The following RALGAPA2 variants were observed in gnomAD, a reference collection of about 807,000 sequenced individuals.
The protein encoded by RALGAPA2 is Ral GTPase activating protein catalytic subunit alpha 2.
A neutral mutation model predicts 230.4 loss-of-function variants in RALGAPA2; 139 were observed. The ratio of observed to expected loss-of-function variants is 0.60; its 90% CI spans 0.53 to 0.69. The LOEUF is 0.69. RALGAPA2 is among the 30% of genes least tolerant of loss of function. The probability of loss-of-function intolerance (pLI) is 0.00; values close to 1 mark genes in which losing one functional copy is unlikely to be tolerated. For synonymous variants in RALGAPA2, 847 were observed against 837.8 expected (o/e 1.01, Z -0.19); for missense variants, 2,163 against 2,276.0 (o/e 0.95, Z 1.01).
At position 20,401,931 on chromosome 20, in the gene RALGAPA2, G is replaced by A. The variant is rs142974885; in HGVS notation, c.5618-5197C>T. Among the ~76,000 whole-genome samples, 1,173 of 152,290 alleles carry A rather than the reference G, an allele frequency of 7.7e-3. 11 individuals carry two copies. Among genetic ancestry groups the A allele is most frequent in the African/African-American group, 0.027 (1,115 of 41,562 alleles). On this transcript the variant is annotated intron_variant, in intron 38 of 39. Coordinates refer to ENST00000202677, the MANE Select transcript of RALGAPA2 (RefSeq NM_020343.4). Reference sequence around the variant, plus strand: ...CATGGTCTTTGCCACTGTATAAATTGTACAGGCCATACATTCTAGAAAACA... The same window carrying A: ...CATGGTCTTTGCCACTGTATAAATTATACAGGCCATACATTCTAGAAAACA...
chr20:20,459,058 A>C (rs906264085), intron 37 of RALGAPA2, among the ~76,000 whole-genome samples: 1 of 151,876 alleles, frequency 6.6e-6, no homozygotes, highest in Non-Finnish European at 1.5e-5. Context: ...CAGCTGGTCT[A>C]TGTCCTCTTT....
intron 36 of RALGAPA2, among the ~76,000 whole-genome samples, chr20:20,489,656 T>C (rs2062000805): frequency 6.6e-6 from 1 of 152,130 alleles, no homozygotes; most frequent in African/African-American, 2.4e-5. Flanking sequence ...AGATAAATTA[T>C]CTGATTTGGG....
intron 36 of RALGAPA2, among the ~76,000 whole-genome samples, chr20:20,480,379 G>T (rs2061747172): frequency 6.6e-6 from 1 of 152,218 alleles, no homozygotes; most frequent in Admixed American, 6.5e-5. Flanking sequence ...CCTGTTTGAT[G>T]ACTGCTGAAA....
At chr20:20,520,017 G>T (rs6046908) in intron 31 of RALGAPA2, among the ~76,000 whole-genome samples, 1 of 152,098 alleles carries the variant, frequency 6.6e-6, no homozygotes, top group African/African-American at 2.4e-5. Flanking sequence ...AAAGTGACGG[G>T]ATTACAGGTG....
intron 23 of RALGAPA2, among the ~76,000 whole-genome samples, chr20:20,551,115 A>AT (rs969847815): frequency 8.5e-5 from 13 of 152,220 alleles, no homozygotes; most frequent in African/African-American, 3.1e-4. Context: ...CTGAAAGAAA[A>AT]ACAGGAAAAT....
At chr20:20,498,337 C>T (rs571521965) in intron 35 of RALGAPA2, among the ~76,000 whole-genome samples, 1 of 152,322 alleles carries the variant, frequency 6.6e-6, no homozygotes, top group South Asian at 2.1e-4. Context: ...AGGCTCAGAA[C>T]AAATGCTCAG....
chr20:20,512,223 CT>C (rs146260522), intron 32 of RALGAPA2, among the ~76,000 whole-genome samples: 2,219 of 135,706 alleles, frequency 0.016, 58 homozygotes, highest in African/African-American at 0.061. Flanking sequence ...ACAACCCCCC[CT>C]ACACACACAC....
intron 20 of RALGAPA2, among the ~76,000 whole-genome samples, chr20:20,582,378 T>C (rs2065013803): frequency 6.6e-6 from 1 of 152,068 alleles, no homozygotes; most frequent in Admixed American, 6.6e-5. Context: ...CACCCAGCAA[T>C]TCCTCGGAGG....
At chr20:20,464,124 C>T (rs1228453643) in intron 37 of RALGAPA2, among the ~76,000 whole-genome samples, 1 of 152,226 alleles carries the variant, frequency 6.6e-6, no homozygotes, top group Non-Finnish European at 1.5e-5. Context: ...CTTCCCGCAA[C>T]AGACCCTAGT....
chr20:20,599,026 C>T (rs1424898910), intron 16 of RALGAPA2, among the ~76,000 whole-genome samples: 1 of 152,174 alleles, frequency 6.6e-6, no homozygotes, highest in African/African-American at 2.4e-5. Context: ...TGACACAGGA[C>T]AATGGGCAAT....
At chr20:20,697,338 A>T (rs183480303) in intron 1 of RALGAPA2, among the ~76,000 whole-genome samples, 255 of 152,278 alleles carry the variant, frequency 1.7e-3, no homozygotes, top group African/African-American at 5.7e-3. Context: ...CTCAAAAAAA[A>T]TTTTTTAATT....
chr20:20,702,293 G>A (rs1159624707), intron 1 of RALGAPA2, among the ~76,000 whole-genome samples: 1 of 152,156 alleles, frequency 6.6e-6, no homozygotes, highest in African/African-American at 2.4e-5. Flanking sequence ...TCTCTGAGAA[G>A]TAGAGGCCAA....
At chr20:20,648,304 G>A (rs1003369908) in intron 4 of RALGAPA2, among the ~76,000 whole-genome samples, 1 of 152,062 alleles carries the variant, frequency 6.6e-6, no homozygotes, top group Non-Finnish European at 1.5e-5. Context: ...AGTCTACAAG[G>A]GCCAGAAAAG....
chr20:20,710,374 G>C (rs2069803649), intron 1 of RALGAPA2, among the ~76,000 whole-genome samples: 1 of 152,124 alleles, frequency 6.6e-6, no homozygotes, highest in Non-Finnish European at 1.5e-5. Flanking sequence ...TGATTAGGTA[G>C]GAACTAGTGC....
intron 1 of RALGAPA2, among the ~76,000 whole-genome samples, chr20:20,702,256 G>T (rs1157173479): frequency 1.3e-5 from 2 of 152,134 alleles, no homozygotes; most frequent in Non-Finnish European, 2.9e-5. Flanking sequence ...ACACCATCCA[G>T]GAAATGGATG....
At chr20:20,433,890 A>G (rs1177834562) in intron 37 of RALGAPA2, among the ~76,000 whole-genome samples, 1 of 152,272 alleles carries the variant, frequency 6.6e-6, no homozygotes, top group Non-Finnish European at 1.5e-5. Context: ...CAGAAAGTAG[A>G]TCAAATAACA....
At chr20:20,415,824 G>A (rs1288124065) in intron 37 of RALGAPA2, among the ~76,000 whole-genome samples, 1 of 152,126 alleles carries the variant, frequency 6.6e-6, no homozygotes, top group Non-Finnish European at 1.5e-5. Flanking sequence ...AGAACTTCTC[G>A]AGACTCTCAA....
chr20:20,437,546 C>T lies in RALGAPA2; in HGVS notation c.5496-25398G>A, dbSNP rs140371252. ...AAGGCCCTGCCCCACTGGGTGCCTG[C>T]CCCTGCTGTCACCTCTGTGGTGTGG... On this transcript the variant is annotated intron_variant, in intron 37 of 39. Coordinates refer to ENST00000202677, the MANE Select transcript of RALGAPA2 (RefSeq NM_020343.4). The surrounding 1 kb of genome is among the most constrained non-coding windows in gnomAD (Gnocchi z 4.1). 1.4e-3 allele frequency among the ~76,000 whole-genome samples: 217 copies of T among 152,272 alleles called. No homozygotes were observed. The highest frequency in any genetic ancestry group is 5.0e-3 in the African/African-American group (209 of 41,552).
chr20:20,566,704 C>T (rs889106604), intron 23 of RALGAPA2, among the ~76,000 whole-genome samples: 2 of 152,142 alleles, frequency 1.3e-5, no homozygotes, highest in African/African-American at 2.4e-5. Flanking sequence ...TATCCTCATT[C>T]GATAGATAAG....
Sources: allele counts gnomAD v4.1 joint callset (sites outside exome capture counted in the v4.1 genomes callset), GRCh38; gene constraint gnomAD v4.1.1; non-coding constraint Gnocchi (gnomAD v3.1); transcripts MANE v1.5; gene names NCBI Gene and HGNC (gene_info 2026-07-23, HGNC 2026-07-21).